The following ALDH3B1 variants were observed in gnomAD, a reference collection of about 807,000 sequenced individuals.
ALDH3B1 encodes the protein aldehyde dehydrogenase family 3 member B1.
In ALDH3B1, 37 loss-of-function variants were observed where a neutral mutation model predicts 46.2. That is an observed-to-expected ratio of 0.80 (90% CI 0.62 to 1.05). The LOEUF (loss-of-function observed/expected upper bound fraction) is 1.05. ALDH3B1 is among the 50% of genes least tolerant of loss of function. The pLI is 0.00. For missense variants in ALDH3B1, 603 were observed against 665.5 expected, an observed-to-expected ratio of 0.91 and a Z score of 1.03; for synonymous variants, 283 against 281.0, an observed-to-expected ratio of 1.01 and a Z score of -0.07.
intron 7 of ALDH3B1, among the ~76,000 whole-genome samples, chr11:68,022,120 G>A (rs2286166): frequency 0.24 from 36,427 of 152,134 alleles, 4,558 homozygotes; most frequent in African/African-American, 0.31. Flanking sequence ...AGGGCTCAGC[G>A]TGCTAAGATG....
At chr11:68,015,979 TC>T (rs1174857594) in intron 2 of ALDH3B1, 1 of 258,498 alleles carries the variant, frequency 3.9e-6, no homozygotes, top group Non-Finnish European at 7.7e-6. Context: ...GGCATGAGAA[TC>T]GCTTGAACCT....
intron 2 of ALDH3B1, chr11:68,015,709 AAC>A (rs1857337808): frequency 1.5e-6 from 1 of 676,932 alleles, no homozygotes; most frequent in Admixed American, 2.1e-5. Flanking sequence ...CAGAGAATAA[AAC>A]ACAGTTCCCA....
At position 68,019,716 on chromosome 11, in the gene ALDH3B1, G is replaced by T. The variant is rs775078460; in HGVS notation, c.482G>T (p.Ser161Ile). The change falls in exon 6 of 10, where the codon AGC becomes ATC. Residue 161 changes from serine (S) to isoleucine (I), a missense_variant and splice_region_variant. Transcript: ENST00000342456. The stretch of plus-strand genomic sequence containing the variant: ...AGCCTCACCCATCCCGCCTTGCAGA[G>T]CTGCTTTGCTGTGGTGCTGGGCGGG... ...AEVLPQYVDQ[S>I]CFAVVLGGPQ... The T allele has an allele frequency of 6.2e-7, 1 of 1,614,028 alleles. No homozygotes were observed. Among genetic ancestry groups the T allele is most frequent in the Non-Finnish European group, 8.5e-7 (1 of 1,179,904 alleles).
At position 68,028,410 on chromosome 11, in the gene ALDH3B1, C is replaced by T. The variant is rs978726193; in HGVS notation, c.*471C>T. The T allele has an allele frequency of 3.2e-6, 1 of 308,334 alleles. No individual in the cohort carries two copies. Among genetic ancestry groups the T allele is most frequent in the African/African-American group, 2.2e-5 (1 of 46,038 alleles). The allele number at this position is 308,334 out of a possible 1,614,324, so 19.1% of individuals were successfully genotyped here. ...GATACCTCCTGGCTGGGTGAGGCGG[C>T]TCACACCTGTAATCCCAGCACTTTG... On this transcript the variant is annotated 3_prime_UTR_variant, in exon 10 of 10. Coordinates refer to ENST00000342456, the MANE Select transcript of ALDH3B1 (RefSeq NM_000694.4).
chr11:68,023,970 T>TAAA (rs34271562), intron 8 of ALDH3B1, among the ~76,000 whole-genome samples: 10 of 135,138 alleles, frequency 7.4e-5, no homozygotes, highest in Admixed American at 7.3e-5. Context: ...TCCTGACCCA[T>TAAA]AAAAAAAAAA....
chr11:68,025,988 G>A (rs774466166), intron 8 of ALDH3B1, 21 bp from the exon 9 acceptor site: 7 of 1,553,508 alleles, frequency 4.5e-6, no homozygotes, highest in South Asian at 2.4e-5. Context: ...GCAGCCTCAC[G>A]CACATCCTGT....
intron 1 of ALDH3B1, among the ~76,000 whole-genome samples, chr11:68,013,181 C>T (rs1857270319): frequency 6.6e-6 from 1 of 152,184 alleles, no homozygotes; most frequent in South Asian, 2.1e-4. Context: ...TGCCAGGGTC[C>T]TGCCCTGGGC....
rs1418527376 is a variant in ALDH3B1 at position 68,027,943 on chromosome 11, C to G, written c.*4C>G. ...CTGCAGCTGCACACTGCTCTGAGCC[C>G]TTCCCCAGGCCCAGGCTGTAGACCA... is the stretch of plus-strand genomic sequence containing the variant. On this transcript the variant is annotated 3_prime_UTR_variant, in exon 10 of 10. Coordinates refer to ENST00000342456, the MANE Select transcript of ALDH3B1 (RefSeq NM_000694.4). 7 of 1,553,298 alleles carry G rather than the reference C, an allele frequency of 4.5e-6. No individual in the cohort carries two copies. The South Asian group carries it at 8.2e-5, about 18-fold the overall frequency.
rs1000242508 is a variant in ALDH3B1 at position 68,028,733 on chromosome 11, G to T, written c.*794G>T. Reference sequence around the variant, plus strand: ...TGTTGCAAGGATGAAATGAAGGATTGAGGGATTGAGGGATTGCTGAGCTGG... The same window carrying T: ...TGTTGCAAGGATGAAATGAAGGATTTAGGGATTGAGGGATTGCTGAGCTGG... On this transcript the variant is annotated 3_prime_UTR_variant, in exon 10 of 10. Transcript: ENST00000342456. The T allele has an allele frequency of 2.6e-5, 4 of 151,498 alleles. No homozygotes were observed. The highest frequency in any genetic ancestry group is 9.7e-5 in the African/African-American group (4 of 41,156). The allele number at this position is 151,498 out of a possible 1,614,324, so 9.4% of individuals were successfully genotyped here.
rs932697116 is a variant in ALDH3B1, at chr11:68,021,412, C to T, written c.563-73C>T. The T allele has an allele frequency of 6.7e-5, 103 of 1,548,026 alleles. No homozygotes were observed. In the East Asian group the frequency reaches 1.8e-3, roughly 27 times the overall value. ...ACTCCACCACCTCTCCAGGGAGGAG[C>T]GGGGCCGTGGGCTGGGCCATCCCGC... On this transcript the variant is annotated intron_variant, in intron 6 of 9. Transcript: ENST00000342456.
intron 1 of ALDH3B1, among the ~76,000 whole-genome samples, chr11:68,011,433 T>A (rs1002663512): frequency 1.3e-5 from 2 of 152,242 alleles, no homozygotes; most frequent in African/African-American, 4.8e-5. Flanking sequence ...CTCTGTCTGC[T>A]TCCTTAAAGC....
intron 8 of ALDH3B1, chr11:68,024,428 A>G (rs1857577197): frequency 6.6e-6 from 1 of 152,226 alleles, no homozygotes; most frequent in African/African-American, 2.4e-5. Flanking sequence ...ATGCTGCTCT[A>G]TCATATTGTT....
chr11:68,015,277 C>T lies in ALDH3B1; in HGVS notation c.-1-20C>T. On this transcript the variant is annotated intron_variant, in intron 1 of 9. Transcript: ENST00000342456. ...GAGGGGCAGCCCTGGCCACCCAGTT[C>T]ATGCCACCCCATCTGGCAGGATGGA... is the stretch of plus-strand genomic sequence containing the variant. 1 of 1,462,324 alleles carries T rather than the reference C, an allele frequency of 6.8e-7. No individual in the cohort carries two copies. The highest frequency in any genetic ancestry group is 9.1e-7 in the Non-Finnish European group (1 of 1,102,412). 90.6% of individuals were successfully genotyped at this position (1,462,324 alleles called of 1,614,324 possible).
At chr11:68,027,576 G>A (rs1308027926) in intron 9 of ALDH3B1, among the ~76,000 whole-genome samples, 173 bp from the exon 10 acceptor site, 1 of 152,186 alleles carries the variant, frequency 6.6e-6, no homozygotes, top group Non-Finnish European at 1.5e-5. Flanking sequence ...AGGGCTTACT[G>A]AGCTGGTGCC....
intron 8 of ALDH3B1, chr11:68,024,862 A>C (rs547938870): frequency 6.6e-6 from 1 of 152,294 alleles, no homozygotes; most frequent in African/African-American, 2.4e-5. Context: ...GCTGTAATCC[A>C]AGGTCGTGTG....
intron 1 of ALDH3B1, among the ~76,000 whole-genome samples, chr11:68,011,006 GGCCCGA>G (rs1168800150): frequency 5.3e-5 from 8 of 152,220 alleles, no homozygotes; most frequent in African/African-American, 1.7e-4. Context: ...GGGCTGGGTT[GGCCCGA>G]GCCACCAATG....
chr11:68,012,100 G>A (rs1000672595), intron 1 of ALDH3B1, among the ~76,000 whole-genome samples: 3 of 150,816 alleles, frequency 2.0e-5, no homozygotes, highest in Non-Finnish European at 4.4e-5. Flanking sequence ...GGAAGAATGA[G>A]AGAACGGGCA....
chr11:68,019,349 G>C, intron 5 of ALDH3B1, 94 bp downstream of exon 5: 1 of 1,073,906 alleles, frequency 9.3e-7, no homozygotes, highest in African/African-American at 1.6e-5. Flanking sequence ...TCAGACCCGA[G>C]TCCCCACCTC....
chr11:68,019,295 A>G (rs1636207), intron 5 of ALDH3B1, 40 bp downstream of exon 5: 747,669 of 1,579,832 alleles, frequency 0.47, 180,260 homozygotes, highest in African/African-American at 0.71. Context: ...GGAACAGGCA[A>G]GGCTCAAGGG....
Sources: gnomAD v4.1 joint callset for allele counts (sites outside exome capture counted in the v4.1 genomes callset) on GRCh38, gnomAD v4.1.1 for gene constraint, MANE v1.5 for transcripts, NCBI Gene and HGNC (gene_info 2026-07-23, HGNC 2026-07-21) for gene names.